The following TTL variants were observed in gnomAD, a reference collection of about 807,000 sequenced individuals.
TTL encodes tubulin tyrosine ligase.
Under a neutral mutation model 41.1 loss-of-function variants are expected in TTL, and 10 were observed. That is an observed-to-expected ratio of 0.24 (90% CI 0.15 to 0.41). The LOEUF is 0.41. TTL is among the 10% of genes least tolerant of loss of function. TTL has a pLI of 1.00. For missense variants in TTL, 367 were observed against 460.4 expected, an observed-to-expected ratio of 0.80 and a Z score of 1.86; for synonymous variants, 175 against 175.5, an observed-to-expected ratio of 1.00 and a Z score of 0.02.
rs556382700 is a variant in TTL, at chr2:112,528,924, A to G, written c.*129A>G. 9.1e-5 allele frequency: 68 copies of G among 749,748 alleles called. No individual in the cohort carries two copies. The highest frequency in any genetic ancestry group is 1.8e-4 in the Admixed American group (8 of 44,090). 46.4% of individuals were successfully genotyped at this position (749,748 alleles called of 1,614,324 possible). ...AGGCAACTCGCAAAGATGAGATGGA[A>G]GAAGGCACGTGAGCAGAGGAGGCAG... On this transcript the variant is annotated 3_prime_UTR_variant, in exon 7 of 7. Coordinates refer to ENST00000233336, the MANE Select transcript of TTL (RefSeq NM_153712.5).
intron 3 of TTL, among the ~76,000 whole-genome samples, chr2:112,495,362 A>G (rs1296296843): frequency 1.3e-5 from 2 of 152,218 alleles, no homozygotes; most frequent in Non-Finnish European, 2.9e-5. Flanking sequence ...TGTAGGCTTC[A>G]CACAAACACA....
intron 5 of TTL, among the ~76,000 whole-genome samples, chr2:112,519,085 C>T (rs1202368891): frequency 1.3e-5 from 2 of 151,816 alleles, no homozygotes; most frequent in African/African-American, 4.9e-5. Flanking sequence ...ATATTTTGCC[C>T]CAGCATTCAG....
At chr2:112,487,480 C>T (rs545322070) in intron 2 of TTL, among the ~76,000 whole-genome samples, 3 of 152,236 alleles carry the variant, frequency 2.0e-5, no homozygotes, top group East Asian at 3.9e-4. Flanking sequence ...GATTTTTCCC[C>T]TAAAGATAAA....
Position 112,541,459 on chromosome 2 carries a change from T to A in TTL, c.*12664T>A, listed in dbSNP as rs1682740113. ...AGGCCGGAAGTTCAAGACCAGCCTGTGCAACAGACTCCCGGCTCGAATTTT... is the reference window on the plus strand; with the variant it reads ...AGGCCGGAAGTTCAAGACCAGCCTGAGCAACAGACTCCCGGCTCGAATTTT... On this transcript the variant is annotated 3_prime_UTR_variant, in exon 7 of 7. Transcript: ENST00000233336. The A allele has an allele frequency of 6.6e-6, 1 of 152,200 alleles. No individual in the cohort carries two copies. Among genetic ancestry groups the A allele is most frequent in the Non-Finnish European group, 1.5e-5 (1 of 68,092 alleles). 9.4% of individuals were successfully genotyped at this position (152,200 alleles called of 1,614,324 possible).
intron 6 of TTL, chr2:112,521,361 G>T: frequency 5.1e-6 from 5 of 985,232 alleles, no homozygotes; most frequent in Non-Finnish European, 6.0e-6. Flanking sequence ...GACCTTCTGT[G>T]GAAGGCCTTA....
chr2:112,525,519 T>C (rs1682349430), intron 6 of TTL, among the ~76,000 whole-genome samples: 2 of 152,188 alleles, frequency 1.3e-5, no homozygotes, highest in Admixed American at 1.3e-4. Context: ...CCCTTGTAAG[T>C]TGGATTATTG....
chr2:112,488,805 AT>A (rs1262481825), intron 2 of TTL, among the ~76,000 whole-genome samples: 2 of 141,032 alleles, frequency 1.4e-5, no homozygotes, highest in Non-Finnish European at 3.1e-5. Context: ...TTAATAATTT[AT>A]TGCCGGGCGT....
intron 5 of TTL, among the ~76,000 whole-genome samples, chr2:112,515,336 G>A (rs1682037668): frequency 6.6e-6 from 1 of 152,184 alleles, no homozygotes; most frequent in East Asian, 1.9e-4. Context: ...TACATATCCT[G>A]TAAAACCTAA....
chr2:112,511,092 G>A (rs1191376213), intron 5 of TTL, among the ~76,000 whole-genome samples: 1 of 151,914 alleles, frequency 6.6e-6, no homozygotes, highest in African/African-American at 2.4e-5. Flanking sequence ...AACATGGTTT[G>A]CTGCAGCCTT....
At position 112,482,350 on chromosome 2, in the gene TTL, C is replaced by T; in HGVS notation, c.6C>T (p.Tyr2=). M[Y]TFVVRDENSS... is the part of the protein sequence containing the mutation. ...CGGGCGCGCGGCGCTTCGCCATGTA[C>T]ACCTTCGTGGTACGCGATGAGAACA... Residue 2 remains tyrosine (Y), a synonymous_variant, in exon 1 of 7, where the codon TAC becomes TAT. Coordinates refer to ENST00000233336, the MANE Select transcript of TTL (RefSeq NM_153712.5). The surrounding 1 kb of genome is among the most constrained non-coding windows in gnomAD (Gnocchi z 5.3). 1.3e-6 allele frequency: 2 copies of T among 1,550,728 alleles called. No individual in the cohort carries two copies. Among genetic ancestry groups the T allele is most frequent in the Non-Finnish European group, 1.7e-6 (2 of 1,148,210 alleles).
chr2:112,484,211 G>C (rs1290954567), intron 1 of TTL, among the ~76,000 whole-genome samples: 2 of 150,214 alleles, frequency 1.3e-5, no homozygotes, highest in African/African-American at 2.4e-5. Context: ...ATCAGTAAAC[G>C]TTTGAGCTTT....
intron 2 of TTL, 77 bp from the exon 3 acceptor site, chr2:112,494,066 G>A: frequency 8.9e-7 from 1 of 1,120,742 alleles, no homozygotes; most frequent in Non-Finnish European, 1.3e-6. Flanking sequence ...AGTCTCTGGG[G>A]GAAAGGAGTG....
At chr2:112,523,329 T>G (rs1488994333) in intron 6 of TTL, among the ~76,000 whole-genome samples, 1 of 99,402 alleles carries the variant, frequency 1.0e-5, no homozygotes, top group African/African-American at 3.8e-5. Flanking sequence ...CAGAAGAAAC[T>G]GTCTGTGGGT....
At position 112,529,152 on chromosome 2, in the gene TTL, C is replaced by T. The variant is rs940097553; in HGVS notation, c.*357C>T. 15 of 387,002 alleles carry T rather than the reference C, an allele frequency of 3.9e-5. No homozygotes were observed. Among genetic ancestry groups the T allele is most frequent in the African/African-American group, 2.6e-4 (13 of 50,386 alleles). 24.0% of individuals were successfully genotyped at this position (387,002 alleles called of 1,614,324 possible). ...CCTAGTGCCTTAGCTCCATGCCCGG[C>T]TGCAGCCCCACTGCTCTGGACTATG... On this transcript the variant is annotated 3_prime_UTR_variant, in exon 7 of 7. Transcript: ENST00000233336.
chr2:112,494,413 A>G (rs954457228), intron 3 of TTL, 38 bp downstream of exon 3: 13 of 1,517,358 alleles, frequency 8.6e-6, no homozygotes, highest in Non-Finnish European at 1.2e-5. Flanking sequence ...TATTCCTGGT[A>G]AGTTGCTATT....
chr2:112,522,204 G>A (rs576726255), intron 6 of TTL: 1 of 152,558 alleles, frequency 6.6e-6, no homozygotes, highest in African/African-American at 2.4e-5. Context: ...GCCTTCTCCA[G>A]TTCCCTTCAC....
chr2:112,503,254 A>G, intron 5 of TTL, 73 bp downstream of exon 5: 2 of 1,323,556 alleles, frequency 1.5e-6, no homozygotes, highest in Non-Finnish European at 1.0e-6. Context: ...CTTTCAAAGA[A>G]TTGTTTCATA....
intron 3 of TTL, among the ~76,000 whole-genome samples, chr2:112,495,527 A>G (rs1681501874): frequency 6.6e-6 from 1 of 152,208 alleles, no homozygotes; most frequent in Admixed American, 6.5e-5. Context: ...ATCTCTGTCT[A>G]TGTTAATGCC....
rs574614105 is a variant in TTL, at chr2:112,489,032, A to C, written c.236+3037A>C. Among the ~76,000 whole-genome samples, 4 of 152,288 alleles carry C rather than the reference A, an allele frequency of 2.6e-5. No individual in the cohort carries two copies. In the East Asian group the frequency reaches 7.7e-4, roughly 29 times the overall value. On this transcript the variant is annotated intron_variant, in intron 2 of 6. Transcript: ENST00000233336. ...GGCCCAGGAGGTGGAGATTGCAGTG[A>C]GCTGAGATCATGCCATTGCACTCCA...
Sources: allele counts gnomAD v4.1 joint callset (sites outside exome capture counted in the v4.1 genomes callset), GRCh38; gene constraint gnomAD v4.1.1; non-coding constraint Gnocchi (gnomAD v3.1); transcripts MANE v1.5; gene names NCBI Gene and HGNC (gene_info 2026-07-23, HGNC 2026-07-21).